Variants in LUZP2 observed in about 807,000 individuals in gnomAD.
The protein encoded by LUZP2 is leucine zipper protein 2.
A neutral mutation model predicts 51.6 loss-of-function variants in LUZP2; 52 were observed. The ratio of observed to expected loss-of-function variants is 1.01; its 90% CI spans 0.81 to 1.27. The LOEUF (loss-of-function observed/expected upper bound fraction) is 1.27, where lower values mean the gene tolerates loss of function less well. Among genes scored for constraint, LUZP2 ranks in the 50% most tolerant of loss-of-function variants. The probability of loss-of-function intolerance (pLI) is 0.00; values close to 1 mark genes in which losing one functional copy is unlikely to be tolerated. For missense variants in LUZP2, 436 were observed against 395.4 expected (o/e 1.10, Z -0.87); for synonymous variants, 154 against 137.3 (o/e 1.12, Z -0.85).
chr11:24,953,052 A>G (rs1855120341), intron 7 of LUZP2, among the ~76,000 whole-genome samples: 1 of 151,992 alleles, frequency 6.6e-6, no homozygotes, highest in South Asian at 2.1e-4. Flanking sequence ...AATAGACTAC[A>G]GAAATGCATT....
chr11:24,959,252 C>T (rs1371046211), intron 7 of LUZP2, among the ~76,000 whole-genome samples: 1 of 151,868 alleles, frequency 6.6e-6, no homozygotes, highest in Non-Finnish European at 1.5e-5. Context: ...TTTTTTAGTT[C>T]CATATGAACT....
At chr11:24,508,345 AAAG>A (rs750206828) in intron 1 of LUZP2, among the ~76,000 whole-genome samples, 2 of 152,190 alleles carry the variant, frequency 1.3e-5, no homozygotes, top group Non-Finnish European at 2.9e-5. Flanking sequence ...ATATACAGTT[AAAG>A]AAGGAAGGCA....
At chr11:24,597,078 A>G (rs1853467185) in intron 1 of LUZP2, among the ~76,000 whole-genome samples, 1 of 152,168 alleles carries the variant, frequency 6.6e-6, no homozygotes, top group Non-Finnish European at 1.5e-5. Flanking sequence ...TGCTATTAGA[A>G]AGATAAAATG....
chr11:24,537,706 G>A (rs1056614684), intron 1 of LUZP2, among the ~76,000 whole-genome samples: 9 of 151,826 alleles, frequency 5.9e-5, no homozygotes, highest in Non-Finnish European at 4.4e-5. Context: ...TCTAGTCTGT[G>A]AAACTAAAGT....
chr11:24,869,493 G>A (rs116106542), intron 5 of LUZP2, among the ~76,000 whole-genome samples: 19,604 of 151,752 alleles, frequency 0.13, 1,326 homozygotes, highest in Admixed American at 0.15. Context: ...GTCTCCCTCT[G>A]TCGCCGAGGC....
intron 5 of LUZP2, chr11:24,785,962 A>G: frequency 5.1e-6 from 5 of 985,334 alleles, no homozygotes; most frequent in Non-Finnish European, 6.0e-6. Context: ...AAATGTAATT[A>G]TTTGAGTTTG....
chr11:24,865,452 T>C (rs1053521144), intron 5 of LUZP2, among the ~76,000 whole-genome samples: 1 of 152,212 alleles, frequency 6.6e-6, no homozygotes, highest in Non-Finnish European at 1.5e-5. Flanking sequence ...TTCTTAAGAT[T>C]GAAATTTAAA....
intron 5 of LUZP2, among the ~76,000 whole-genome samples, chr11:24,893,632 T>G (rs2133762968): frequency 6.6e-6 from 1 of 152,248 alleles, no homozygotes; most frequent in South Asian, 2.1e-4. Flanking sequence ...ACTTTACACA[T>G]TTGGACTCAG....
intron 1 of LUZP2, among the ~76,000 whole-genome samples, chr11:24,586,381 C>A (rs1014396340): frequency 2.0e-5 from 3 of 151,732 alleles, no homozygotes; most frequent in African/African-American, 7.3e-5. Context: ...TTAGAAAATT[C>A]ACATACATAT....
intron 5 of LUZP2, among the ~76,000 whole-genome samples, chr11:24,797,804 C>A (rs1849586050): frequency 6.6e-6 from 1 of 152,082 alleles, no homozygotes; most frequent in Non-Finnish European, 1.5e-5. Flanking sequence ...TGATAAAGTT[C>A]TTTTATAAAT....
intron 4 of LUZP2, among the ~76,000 whole-genome samples, chr11:24,749,542 A>G (rs1442495974): frequency 6.6e-6 from 1 of 152,172 alleles, no homozygotes; most frequent in Non-Finnish European, 1.5e-5. Context: ...AGGCGGCACC[A>G]TCCAATGAGC....
At position 24,824,302 on chromosome 11, in the gene LUZP2, G is replaced by A. The variant is rs185514636; in HGVS notation, c.396+60994G>A. 5.6e-3 allele frequency among the ~76,000 whole-genome samples: 752 copies of A among 134,270 alleles called. 8 individuals carry two copies. The highest frequency in any genetic ancestry group is 0.019 in the African/African-American group (708 of 36,498). 88.1% of individuals were successfully genotyped at this position (134,270 alleles called of 152,430 possible). Reference sequence around the variant, plus strand: ...AATAGCTTGAACCCGGGAAGTGGAAGTTGCGGTGAGCCAAGATTACACCAT... The same window carrying A: ...AATAGCTTGAACCCGGGAAGTGGAAATTGCGGTGAGCCAAGATTACACCAT... On this transcript the variant is annotated intron_variant, in intron 5 of 11. Coordinates refer to ENST00000336930, the MANE Select transcript of LUZP2 (RefSeq NM_001009909.4).
At chr11:25,077,228 G>C (rs1859335390) in intron 10 of LUZP2, 101 bp from the exon 11 acceptor site, 1 of 885,606 alleles carries the variant, frequency 1.1e-6, no homozygotes, top group South Asian at 1.3e-5. Flanking sequence ...CAAAGTGATA[G>C]AATCTTCTCA....
At chr11:24,820,441 AT>A (rs1033249432) in intron 5 of LUZP2, among the ~76,000 whole-genome samples, 7 of 152,150 alleles carry the variant, frequency 4.6e-5, no homozygotes, top group African/African-American at 1.7e-4. Flanking sequence ...CATGGAGTTA[AT>A]TTTGAGCTAG....
At chr11:25,018,741 G>A in intron 9 of LUZP2, among the ~76,000 whole-genome samples, 1 of 151,542 alleles carries the variant, frequency 6.6e-6, no homozygotes, top group Middle Eastern at 3.4e-3. Flanking sequence ...TCAAGTAGCT[G>A]GAATTACAGG....
intron 5 of LUZP2, among the ~76,000 whole-genome samples, chr11:24,898,334 T>G (rs1853152101): frequency 6.6e-6 from 1 of 152,010 alleles, no homozygotes; most frequent in Admixed American, 6.5e-5. Context: ...CTTTAAAAAA[T>G]GAGTTTAAGG....
intron 9 of LUZP2, among the ~76,000 whole-genome samples, chr11:25,006,198 T>C (rs1390049524): frequency 6.6e-6 from 1 of 152,010 alleles, no homozygotes; most frequent in Non-Finnish European, 1.5e-5. Flanking sequence ...ATACTAGAAA[T>C]CATTCTTACA....
intron 1 of LUZP2, among the ~76,000 whole-genome samples, chr11:24,656,965 T>C (rs534743500): frequency 7.4e-4 from 112 of 152,310 alleles, no homozygotes; most frequent in Middle Eastern, 3.4e-3. Context: ...GCCATGTAAC[T>C]ATTCACAGAG....
chr11:24,719,643 C>G lies in LUZP2; in HGVS notation c.63-9526C>G, dbSNP rs1288626039. Among the ~76,000 whole-genome samples the G allele has an allele frequency of 2.0e-5, 3 of 152,188 alleles. No individual in the cohort carries two copies. The East Asian group carries it at 5.8e-4, about 29-fold the overall frequency. ...ACTATTCTCCTTATATCCATATACA[C>G]TTACTTTATGACTTTGAAGCTTTTC... On this transcript the variant is annotated intron_variant, in intron 1 of 11. Coordinates refer to ENST00000336930, the MANE Select transcript of LUZP2 (RefSeq NM_001009909.4).
Sources: gnomAD v4.1 joint callset for allele counts (sites outside exome capture counted in the v4.1 genomes callset) on GRCh38, gnomAD v4.1.1 for gene constraint, MANE v1.5 for transcripts, NCBI Gene and HGNC (gene_info 2026-07-23, HGNC 2026-07-21) for gene names.